The following ESRRG variants were observed in gnomAD, a reference collection of about 807,000 sequenced individuals.
The protein encoded by ESRRG is estrogen related receptor gamma, also known as estrogen-related receptor gamma.
Under a neutral mutation model 44.0 loss-of-function variants are expected in ESRRG, and 13 were observed. That is an observed-to-expected ratio of 0.30 (90% CI 0.19 to 0.47). ESRRG has a LOEUF of 0.47. ESRRG is among the 20% of genes least tolerant of loss of function. The pLI, the probability that ESRRG is intolerant of heterozygous loss-of-function variation, is 1.00. For synonymous variants in ESRRG, 215 were observed against 214.6 expected (o/e 1.00, Z -0.02); for missense variants, 395 against 580.6 (o/e 0.68, Z 3.29).
At chr1:216,664,473 A>G (rs2073349512) in intron 2 of ESRRG, among the ~76,000 whole-genome samples, 1 of 150,286 alleles carries the variant, frequency 6.7e-6, no homozygotes, top group South Asian at 2.1e-4. Flanking sequence ...TACTATTAAT[A>G]TTATTGGTTA....
chr1:216,671,110 C>T (rs183084887), intron 2 of ESRRG, among the ~76,000 whole-genome samples: 4 of 152,302 alleles, frequency 2.6e-5, no homozygotes, highest in East Asian at 1.9e-4. Flanking sequence ...GTCACTCCCA[C>T]ACCTCACACA....
chr1:216,769,942 T>C (rs528175061), intron 2 of ESRRG, among the ~76,000 whole-genome samples: 5 of 152,042 alleles, frequency 3.3e-5, no homozygotes, highest in Non-Finnish European at 7.4e-5. Flanking sequence ...ATAGAGAAAT[T>C]ATAAAGAGGA....
At chr1:216,950,242 T>C (rs2066734125) in intron 1 of ESRRG, among the ~76,000 whole-genome samples, 1 of 152,240 alleles carries the variant, frequency 6.6e-6, no homozygotes. Context: ...TGTTCCATAA[T>C]CGTATGTTGA....
intron 1 of ESRRG, among the ~76,000 whole-genome samples, chr1:217,113,706 T>C (rs12729753): frequency 0.15 from 23,136 of 152,124 alleles, 2,317 homozygotes; most frequent in Non-Finnish European, 0.2. Context: ...TTTAAGAATC[T>C]GGGCCAGGCA....
upstream of ESRRG, among the ~76,000 whole-genome samples, chr1:216,728,150 C>T (rs1302584188): frequency 2.0e-5 from 3 of 152,150 alleles, no homozygotes; most frequent in African/African-American, 4.8e-5. Flanking sequence ...TTTCTATAAT[C>T]TGCATGGCAT....
intron 3 of ESRRG, among the ~76,000 whole-genome samples, chr1:216,571,267 A>G (rs2060737909): frequency 1.3e-5 from 2 of 152,104 alleles, no homozygotes; most frequent in Non-Finnish European, 2.9e-5. Context: ...ACATGGCGAG[A>G]ACCCATCTCT....
intron 1 of ESRRG, among the ~76,000 whole-genome samples, chr1:217,076,260 C>T (rs771616757): frequency 3.1e-4 from 47 of 152,114 alleles, no homozygotes; most frequent in Non-Finnish European, 6.2e-4. Context: ...TGACTAGATC[C>T]ACCTCCAAAT....
At chr1:216,976,396 G>A (rs2072905275) in intron 1 of ESRRG, among the ~76,000 whole-genome samples, 1 of 151,794 alleles carries the variant, frequency 6.6e-6, no homozygotes, top group African/African-American at 2.4e-5. Context: ...AAGTTGGAGA[G>A]AATTAAACTA....
rs528487532 is a variant in ESRRG at position 216,747,958 on chromosome 1, G to C, written c.-13-70467C>G. ...AGTTTCTTGCAAATGAACTAGAAAG[G>C]TGATTGTATAAAGGTTAATTCTATG... On this transcript the variant is annotated intron_variant, in intron 2 of 7. Transcript: ENST00000359162. Among the ~76,000 whole-genome samples the C allele has an allele frequency of 1.8e-3, 273 of 152,196 alleles. 1 individual carries two copies. The highest frequency in any genetic ancestry group is 6.5e-3 in the African/African-American group (269 of 41,528).
chr1:216,632,715 GT>G (rs539446280), intron 3 of ESRRG, among the ~76,000 whole-genome samples: 3 of 151,906 alleles, frequency 2.0e-5, no homozygotes, highest in East Asian at 1.9e-4. Flanking sequence ...GAGTTTTTAG[GT>G]TTTTTTATTT....
At chr1:216,585,115 G>T (rs1030262960) in intron 3 of ESRRG, among the ~76,000 whole-genome samples, 5 of 152,088 alleles carry the variant, frequency 3.3e-5, no homozygotes, top group Non-Finnish European at 5.9e-5. Flanking sequence ...GATGGTAGGG[G>T]TCTAGTAGAA....
At chr1:216,723,173 G>C in intron 1 of ESRRG, 71 bp downstream of exon 1, 1 of 1,284,468 alleles carries the variant, frequency 7.8e-7, no homozygotes, top group Non-Finnish European at 1.1e-6. Context: ...AGTGTGTAAA[G>C]ATATAGTCTG....
chr1:216,848,037 G>T (rs1406038634), intron 2 of ESRRG, among the ~76,000 whole-genome samples: 1 of 152,122 alleles, frequency 6.6e-6, no homozygotes, highest in African/African-American at 2.4e-5. Flanking sequence ...GCTGTCCTGT[G>T]CATTGTAGGA....
chr1:216,763,510 T>C (rs2092911429), intron 2 of ESRRG, among the ~76,000 whole-genome samples: 1 of 151,986 alleles, frequency 6.6e-6, no homozygotes, highest in Admixed American at 6.6e-5. Flanking sequence ...GGGAGGAGAA[T>C]GAAAGAGAAA....
At chr1:216,845,090 G>A (rs978195670) in intron 2 of ESRRG, among the ~76,000 whole-genome samples, 11 of 151,958 alleles carry the variant, frequency 7.2e-5, no homozygotes, top group African/African-American at 2.2e-4. Flanking sequence ...CTATTTTTTA[G>A]TAAGACAACC....
intron 5 of ESRRG, among the ~76,000 whole-genome samples, chr1:216,530,628 A>G (rs1400368880): frequency 1.3e-5 from 2 of 152,154 alleles, no homozygotes; most frequent in African/African-American, 4.8e-5. Context: ...GGTTAACCTA[A>G]AAATTTGAAA....
At chr1:216,773,888 G>A (rs1371834111) in intron 2 of ESRRG, among the ~76,000 whole-genome samples, 1 of 151,950 alleles carries the variant, frequency 6.6e-6, no homozygotes, top group Non-Finnish European at 1.5e-5. Context: ...GTCACAATAT[G>A]CCCAAGGACT....
intron 3 of ESRRG, among the ~76,000 whole-genome samples, chr1:216,619,224 C>T (rs1277044456): frequency 1.3e-5 from 2 of 152,152 alleles, no homozygotes; most frequent in Admixed American, 1.3e-4. Flanking sequence ...TGTGTGCATG[C>T]TCACATGTGT....
chr1:216,806,022 G>A (rs73096023), intron 2 of ESRRG, among the ~76,000 whole-genome samples: 3,928 of 152,226 alleles, frequency 0.026, 155 homozygotes, highest in African/African-American at 0.087. Context: ...GAACCTGGAT[G>A]CTATAATTGA....
Sources: allele counts gnomAD v4.1 joint callset (sites outside exome capture counted in the v4.1 genomes callset), GRCh38; gene constraint gnomAD v4.1.1; transcripts MANE v1.5; gene names NCBI Gene and HGNC (gene_info 2026-07-23, HGNC 2026-07-21).